The following TGFBR3 variants were observed in gnomAD, a reference collection of about 807,000 sequenced individuals.
TGFBR3 encodes transforming growth factor beta receptor 3.
Under a neutral mutation model 87.9 loss-of-function variants are expected in TGFBR3, and 46 were observed. The observed-to-expected ratio is 0.52, with a 90% CI of 0.41 to 0.67. The LOEUF (loss-of-function observed/expected upper bound fraction) is 0.67. Ranked by LOEUF, TGFBR3 falls within the 30% of genes least tolerant of loss-of-function variation. The pLI, the probability that TGFBR3 is intolerant of heterozygous loss-of-function variation, is 0.00. For missense variants in TGFBR3, 866 were observed against 1,041.9 expected (o/e 0.83, Z 2.32); for synonymous variants, 381 against 391.6 (o/e 0.97, Z 0.32).
chr1:91,759,725 C>T (rs1363904577), intron 3 of TGFBR3, among the ~76,000 whole-genome samples: 2 of 152,146 alleles, frequency 1.3e-5, no homozygotes, highest in Non-Finnish European at 1.5e-5. Flanking sequence ...CAAACATAAC[C>T]ATAAAGTAAT....
Position 91,720,162 on chromosome 1 carries a change from C to A in TGFBR3, c.1144G>T (p.Ala382Ser). Residue 382 changes from alanine to serine, a missense_variant, in exon 9 of 17, where the codon GCC becomes TCC. Coordinates refer to ENST00000212355, the MANE Select transcript of TGFBR3 (RefSeq NM_003243.5). ...PELRILLDPG[A>S]LPALQNPPIR... ...GGCGGGTTCTGCAGGGCAGGCAGGG[C>A]ACCAGGGTCCAGCAGGATCCGTAGC... 1 of 1,613,606 alleles carries A rather than the reference C, an allele frequency of 6.2e-7. No homozygotes were observed.
intron 4 of TGFBR3, among the ~76,000 whole-genome samples, chr1:91,751,213 GA>G (rs1212664048): frequency 2.0e-5 from 3 of 152,010 alleles, no homozygotes; most frequent in Non-Finnish European, 2.9e-5. Context: ...AATTAGCAAA[GA>G]AAAAAATTAT....
chr1:91,856,155 C>G (rs570627863), intron 2 of TGFBR3, among the ~76,000 whole-genome samples: 1 of 152,142 alleles, frequency 6.6e-6, no homozygotes, highest in African/African-American at 2.4e-5. Flanking sequence ...CTCCGCCTCC[C>G]GGGTTCACAC....
intron 3 of TGFBR3, among the ~76,000 whole-genome samples, chr1:91,781,028 C>A (rs1302385902): frequency 6.6e-6 from 1 of 150,768 alleles, no homozygotes; most frequent in African/African-American, 2.5e-5. Context: ...ACAAGGCACA[C>A]AACAAGGAGG....
chr1:91,734,866 G>C lies in TGFBR3; in HGVS notation c.478C>G (p.Leu160Val). ...TACTCTTTTCGGGCCCAATTTAACAGATGTTCATTTCCATGGGGGAAGTTC... is the reference window on the plus strand; with the variant it reads ...TACTCTTTTCGGGCCCAATTTAACACATGTTCATTTCCATGGGGGAAGTTC... The part of the protein sequence containing the change: ...ERNFPHGNEH[L>V]LNWARKEYGA... The change falls in exon 5 of 17, where the codon CTG becomes GTG. Residue 160 changes from leucine (L) to valine (V), a missense_variant. Physicochemically the swap from Leu to Val is conservative, Grantham distance 32. Coordinates refer to ENST00000212355, the MANE Select transcript of TGFBR3 (RefSeq NM_003243.5). 1 of 1,614,212 alleles carries C rather than the reference G, an allele frequency of 6.2e-7. No individual in the cohort carries two copies. The highest frequency in any genetic ancestry group is 8.5e-7 in the Non-Finnish European group (1 of 1,180,016).
chr1:91,800,947 G>T (rs1046609837), intron 2 of TGFBR3: 2 of 198,644 alleles, frequency 1.0e-5, no homozygotes, highest in African/African-American at 4.8e-5. Flanking sequence ...AGCTGGGCTT[G>T]GTGGCGTGTA....
upstream of TGFBR3, chr1:91,886,409 G>C (rs1303351994): frequency 5.9e-6 from 2 of 336,146 alleles, no homozygotes; most frequent in East Asian, 1.8e-4. Context: ...CGAGGAGGCC[G>C]AGAGAGAAGG....
chr1:91,836,677 T>G (rs1221748550), intron 2 of TGFBR3, among the ~76,000 whole-genome samples: 4 of 152,154 alleles, frequency 2.6e-5, no homozygotes, highest in African/African-American at 9.7e-5. Flanking sequence ...ATTTATAATA[T>G]ATGCTGAGTT....
intron 2 of TGFBR3, among the ~76,000 whole-genome samples, chr1:91,836,972 G>T (rs1677089557): frequency 6.6e-6 from 1 of 152,112 alleles, no homozygotes; most frequent in South Asian, 2.1e-4. Context: ...GATTTAAACT[G>T]ATACTTAACA....
At chr1:91,851,341 T>G (rs1259825559) in intron 2 of TGFBR3, among the ~76,000 whole-genome samples, 1 of 152,212 alleles carries the variant, frequency 6.6e-6, no homozygotes, top group Non-Finnish European at 1.5e-5. Context: ...TAAATGTTTT[T>G]TAGGCCATTC....
At chr1:91,847,223 T>C (rs1199967825) in intron 2 of TGFBR3, among the ~76,000 whole-genome samples, 1 of 152,200 alleles carries the variant, frequency 6.6e-6, no homozygotes, top group Non-Finnish European at 1.5e-5. Flanking sequence ...TCAGGGTGCT[T>C]AATAAACATC....
At chr1:91,685,143 C>T (rs1671046195) in intron 16 of TGFBR3, among the ~76,000 whole-genome samples, 5 of 152,138 alleles carry the variant, frequency 3.3e-5, no homozygotes, top group African/African-American at 7.2e-5. Context: ...TTTCCTGTCA[C>T]CCCTTTCATG....
At chr1:91,905,499 C>G (rs1022562499) in intron 1 of TGFBR3, among the ~76,000 whole-genome samples, 2 of 152,162 alleles carry the variant, frequency 1.3e-5, no homozygotes, top group African/African-American at 4.8e-5. Context: ...GTGGCACGAC[C>G]TCGGCTCACT....
intron 2 of TGFBR3, among the ~76,000 whole-genome samples, chr1:91,894,413 C>G (rs1008802663): frequency 3.9e-5 from 6 of 152,152 alleles, no homozygotes; most frequent in Non-Finnish European, 7.3e-5. Flanking sequence ...ACCCCTATTT[C>G]TCTACTCCCT....
intron 3 of TGFBR3, among the ~76,000 whole-genome samples, chr1:91,779,674 G>A (rs552946955): frequency 1.2e-4 from 18 of 152,308 alleles, no homozygotes; most frequent in African/African-American, 1.7e-4. Flanking sequence ...GTGTGGTAGC[G>A]TCCTTTACAG....
At chr1:91,854,564 A>G (rs1445473168) in intron 2 of TGFBR3, among the ~76,000 whole-genome samples, 2 of 152,112 alleles carry the variant, frequency 1.3e-5, no homozygotes, top group African/African-American at 4.8e-5. Flanking sequence ...AAAATAATAT[A>G]TTTTACACAT....
In TGFBR3 at chr1:91,681,153, G is replaced by C. The variant is rs528335137; in HGVS notation, c.*2586C>G. 1.8e-4 allele frequency: 81 copies of C among 454,080 alleles called. No individual in the cohort carries two copies. In the East Asian group the frequency reaches 4.1e-3, roughly 23 times the overall value. 28.1% of individuals were successfully genotyped at this position (454,080 alleles called of 1,614,324 possible). A position where few individuals can be genotyped will look rare whatever the true frequency, so the allele number is the denominator to read the frequency against. On this transcript the variant is annotated 3_prime_UTR_variant, in exon 17 of 17. Transcript: ENST00000212355. ...ACTTTTAAAGAAACTTGTAGTACAC[G>C]TTATAAAAGTAGAGCTTGTACTTTG... is the stretch of plus-strand genomic sequence containing the variant.
At chr1:91,760,735 G>C (rs1432134319) in intron 3 of TGFBR3, among the ~76,000 whole-genome samples, 10 of 152,204 alleles carry the variant, frequency 6.6e-5, no homozygotes, top group Non-Finnish European at 1.5e-4. Context: ...CTACAGCAAA[G>C]TAATGTGCTC....
intron 3 of TGFBR3, among the ~76,000 whole-genome samples, chr1:91,777,079 C>A (rs1163524862): frequency 6.6e-6 from 1 of 152,194 alleles, no homozygotes; most frequent in Non-Finnish European, 1.5e-5. Context: ...TCCTCCCTGG[C>A]AGGTACCTTC....
Sources: gnomAD v4.1 joint callset for allele counts (sites outside exome capture counted in the v4.1 genomes callset) on GRCh38, gnomAD v4.1.1 for gene constraint, MANE v1.5 for transcripts, NCBI Gene and HGNC (gene_info 2026-07-23, HGNC 2026-07-21) for gene names.